FRMD4B: variants seen among roughly 807,000 people sequenced by gnomAD.
The protein encoded by FRMD4B is FERM domain-containing protein 4B.
A neutral mutation model predicts 141.5 loss-of-function variants in FRMD4B; 74 were observed. The ratio of observed to expected loss-of-function variants is 0.52; its 90% CI spans 0.43 to 0.63. The LOEUF is 0.63. Ranked by LOEUF, FRMD4B falls within the 30% of genes least tolerant of loss-of-function variation. The pLI is 0.00. For synonymous variants in FRMD4B, 506 were observed against 467.9 expected (o/e 1.08, Z -1.05); for missense variants, 1,366 against 1,253.4 (o/e 1.09, Z -1.36).
At chr3:69,399,984 C>A (rs1055051588) in intron 2 of FRMD4B, among the ~76,000 whole-genome samples, 2 of 152,014 alleles carry the variant, frequency 1.3e-5, no homozygotes, top group African/African-American at 4.8e-5. Context: ...TTGCCCCAAC[C>A]CAATACGATA....
chr3:69,198,992 C>A (rs763828954), intron 11 of FRMD4B: 1 of 498,366 alleles, frequency 2.0e-6, no homozygotes, highest in Non-Finnish European at 3.6e-6. Flanking sequence ...TCACCTCGGC[C>A]GGGCGCGGTG....
At chr3:69,271,663 T>C (rs1399354763) in intron 5 of FRMD4B, among the ~76,000 whole-genome samples, 1 of 152,140 alleles carries the variant, frequency 6.6e-6, no homozygotes, top group Non-Finnish European at 1.5e-5. Context: ...TTATAAAACT[T>C]TCAATAGTCC....
At chr3:69,331,597 T>C (rs571831924) in intron 1 of FRMD4B, among the ~76,000 whole-genome samples, 63 of 152,346 alleles carry the variant, frequency 4.1e-4, no homozygotes, top group African/African-American at 1.4e-3. Context: ...TCTATACTAC[T>C]GTGTGACCTT....
At chr3:69,254,834 G>T (rs912821441) in intron 5 of FRMD4B, among the ~76,000 whole-genome samples, 1 of 152,088 alleles carries the variant, frequency 6.6e-6, no homozygotes, top group Non-Finnish European at 1.5e-5. Context: ...GTACAAGCTA[G>T]CTCCAGCACA....
chr3:69,188,452 T>C (rs974123731), intron 18 of FRMD4B, among the ~76,000 whole-genome samples: 32 of 152,164 alleles, frequency 2.1e-4, no homozygotes, highest in Non-Finnish European at 1.0e-4. Flanking sequence ...ACATGAAGAA[T>C]TCTGCAGTGG....
At chr3:69,267,819 G>C (rs2093574979) in intron 5 of FRMD4B, among the ~76,000 whole-genome samples, 1 of 149,580 alleles carries the variant, frequency 6.7e-6, no homozygotes, top group Non-Finnish European at 1.5e-5. Context: ...TTTTAGTAGA[G>C]ATGAGATTTC....
chr3:69,528,256 CCCTTCCTTCCTTCCTA>C (rs1190278568), intron 1 of FRMD4B, among the ~76,000 whole-genome samples: 1 of 150,584 alleles, frequency 6.6e-6, no homozygotes, highest in Non-Finnish European at 1.5e-5. Flanking sequence ...CTCCCTCCCT[CCCTTCCTTCCTTCCTA>C]CCTTCCTTCC....
intron 5 of FRMD4B, among the ~76,000 whole-genome samples, chr3:69,272,807 A>G (rs10779991): frequency 0.95 from 145,265 of 152,292 alleles, 69,680 homozygotes; most frequent in East Asian, 1. Flanking sequence ...GTTAAATTGC[A>G]CTGAGACTAA....
chr3:69,452,695 A>G (rs1705520519), intron 1 of FRMD4B, among the ~76,000 whole-genome samples: 2 of 152,222 alleles, frequency 1.3e-5, no homozygotes, highest in African/African-American at 2.4e-5. Flanking sequence ...CTATTTAGAG[A>G]CTGAGACTAT....
chr3:69,390,189 G>C (rs538649295), upstream of FRMD4B, among the ~76,000 whole-genome samples: 1 of 152,314 alleles, frequency 6.6e-6, no homozygotes, highest in South Asian at 2.1e-4. Flanking sequence ...GAAAGAGCAA[G>C]TTAGTGAAAT....
rs117119493 is a variant in FRMD4B, at chr3:69,509,342, A to G, written c.-129+32864T>C. Among the ~76,000 whole-genome samples, 631 of 152,300 alleles carry G rather than the reference A, an allele frequency of 4.1e-3. 10 individuals carry two copies. The highest frequency in any genetic ancestry group is 0.031 in the East Asian group (161 of 5,184). Reference sequence around the variant, plus strand: ...TTGCCAAATTCCAACAGAAACATTCATCAGAATTTTCCCTTAGGAATTTTT... The same window carrying G: ...TTGCCAAATTCCAACAGAAACATTCGTCAGAATTTTCCCTTAGGAATTTTT... On this transcript the variant is annotated intron_variant, in intron 1 of 5. Transcript: ENST00000459638.
At chr3:69,378,650 C>T (rs939656659) in intron 1 of FRMD4B, among the ~76,000 whole-genome samples, 2 of 152,142 alleles carry the variant, frequency 1.3e-5, no homozygotes, top group African/African-American at 2.4e-5. Context: ...CAAGTCTATC[C>T]GCCTCACGGC....
intron 1 of FRMD4B, among the ~76,000 whole-genome samples, chr3:69,521,014 G>T (rs960383029): frequency 1.3e-5 from 2 of 152,092 alleles, no homozygotes; most frequent in African/African-American, 4.8e-5. Flanking sequence ...ATTTTATTCT[G>T]GGAATTAGCA....
intron 1 of FRMD4B, among the ~76,000 whole-genome samples, chr3:69,455,225 G>A (rs1008562121): frequency 2.6e-5 from 4 of 152,324 alleles, no homozygotes; most frequent in Middle Eastern, 3.4e-3. Context: ...GATGTGGGTG[G>A]GGTCAGCTAA....
chr3:69,295,159 C>G (rs1434757985), intron 4 of FRMD4B, among the ~76,000 whole-genome samples: 1 of 152,174 alleles, frequency 6.6e-6, no homozygotes, highest in South Asian at 2.1e-4. Flanking sequence ...AGCTTCATTT[C>G]ATAGGTGATG....
At chr3:69,243,469 A>G (rs57958679) in intron 7 of FRMD4B, among the ~76,000 whole-genome samples, 5,288 of 152,278 alleles carry the variant, frequency 0.035, 324 homozygotes, top group African/African-American at 0.12. Context: ...TGCCAACCAA[A>G]TATGGCCTTG....
At chr3:69,456,113 A>C (rs553365797) in intron 1 of FRMD4B, among the ~76,000 whole-genome samples, 1 of 152,316 alleles carries the variant, frequency 6.6e-6, no homozygotes, top group South Asian at 2.1e-4. Context: ...TTATATAGGG[A>C]TTGAATCACA....
chr3:69,179,161 G>A (rs767886748), intron 21 of FRMD4B, among the ~76,000 whole-genome samples: 1 of 152,030 alleles, frequency 6.6e-6, no homozygotes, highest in Non-Finnish European at 1.5e-5. Flanking sequence ...GATGCCTTTT[G>A]GTCTGTGGGG....
At chr3:69,515,360 A>G (rs1343912374) in intron 1 of FRMD4B, among the ~76,000 whole-genome samples, 1 of 152,164 alleles carries the variant, frequency 6.6e-6, no homozygotes, top group Non-Finnish European at 1.5e-5. Flanking sequence ...AAACCATATC[A>G]CCAGACTAAA....
Sources: gnomAD v4.1 joint callset for allele counts (sites outside exome capture counted in the v4.1 genomes callset) on GRCh38, gnomAD v4.1.1 for gene constraint, MANE v1.5 for transcripts, NCBI Gene and HGNC (gene_info 2026-07-23, HGNC 2026-07-21) for gene names.